Variants in HESX1 observed in about 807,000 individuals in gnomAD.
HESX1 encodes homeobox expressed in ES cells 1.
A neutral mutation model predicts 22.5 loss-of-function variants in HESX1; 11 were observed. That is an observed-to-expected ratio of 0.49 (90% CI 0.31 to 0.81). The LOEUF is 0.81. Among genes scored for constraint, HESX1 ranks in the 30% least tolerant of loss-of-function variants. The pLI, the probability that HESX1 is intolerant of heterozygous loss-of-function variation, is 0.05. For missense variants in HESX1, 201 were observed against 212.6 expected (o/e 0.95, Z 0.34); for synonymous variants, 74 against 76.5 (o/e 0.97, Z 0.17).
At chr3:57,200,132 T>G (rs537613101), upstream of HESX1, 1 of 553,588 alleles carries the variant, frequency 1.8e-6, no homozygotes, top group East Asian at 3.1e-5. Flanking sequence ...GTTTATTTGT[T>G]TGCAAGTAAT....
At chr3:57,209,271 A>AAC (rs1170421220) in intron 1 of HESX1, among the ~76,000 whole-genome samples, 1 of 152,240 alleles carries the variant, frequency 6.6e-6, no homozygotes, top group Admixed American at 6.5e-5. Flanking sequence ...CAAACAGAAT[A>AAC]ACACAGACAG....
intron 1 of HESX1, among the ~76,000 whole-genome samples, chr3:57,217,786 C>T (rs186095580): frequency 2.6e-5 from 4 of 152,270 alleles, no homozygotes; most frequent in Admixed American, 6.5e-5. Flanking sequence ...CCAAACTGCA[C>T]TCTCATGCAG....
chr3:57,207,246 G>A (rs2060525126), intron 1 of HESX1, among the ~76,000 whole-genome samples: 1 of 152,046 alleles, frequency 6.6e-6, no homozygotes, highest in South Asian at 2.1e-4. Flanking sequence ...CACTATACTG[G>A]GCCACAATAT....
rs767091885 is a variant in HESX1 at position 57,199,797 on chromosome 3, G to A, written c.122C>T (p.Pro41Leu). Reference sequence around the variant, plus strand: ...GCAGGTGTCTGCCCAGGGCCTGTGGGGTTTCATTAATGGAACACAGTCTTT... The same window carrying A: ...GCAGGTGTCTGCCCAGGGCCTGTGGAGTTTCATTAATGGAACACAGTCTTT... ...QKKDCVPLMK[P>L]HRPWADTCSS... is the part of the protein sequence containing the mutation. The change falls in exon 1 of 4, where the codon CCC becomes CTC. Residue 41 changes from proline to leucine, a missense_variant. Physicochemically the swap from Pro to Leu is moderately conservative, Grantham distance 98 (BLOSUM62 -3). Transcript: ENST00000295934. 1 of 1,614,056 alleles carries A rather than the reference G, an allele frequency of 6.2e-7. No individual in the cohort carries two copies. The highest frequency in any genetic ancestry group is 1.1e-5 in the South Asian group (1 of 91,074).
chr3:57,221,117 C>G (rs2060613627), intron 1 of HESX1, among the ~76,000 whole-genome samples: 1 of 151,812 alleles, frequency 6.6e-6, no homozygotes, highest in African/African-American at 2.4e-5. Context: ...TCTGAAGAAC[C>G]TGTTTAAAAT....
chr3:57,198,892 C>T lies in HESX1; in HGVS notation c.218G>A (p.Ser73Asn), dbSNP rs373284490. ...PNPPSGISFP[S>N]VVDHPMPEER... ...TTCTGGCATTGGGTGATCCACCACG[C>T]TAGGGAATGAAATCCCACTGGGAGG... is the stretch of plus-strand genomic sequence containing the variant. The change falls in exon 2 of 4, where the codon AGC becomes AAC. Residue 73 changes from serine (S) to asparagine (N), a missense_variant. Coordinates refer to ENST00000295934, the MANE Select transcript of HESX1 (RefSeq NM_003865.3). The T allele has an allele frequency of 1.9e-5, 31 of 1,614,090 alleles. No individual in the cohort carries two copies. In the African/African-American group the frequency reaches 3.9e-4, roughly 20 times the overall value.
chr3:57,199,979 AG>A (rs1364803046), upstream of HESX1: 7 of 1,479,346 alleles, frequency 4.7e-6, no homozygotes, highest in Admixed American at 6.7e-5. Context: ...CCACGTGTAT[AG>A]GGCTGGGATC....
upstream of HESX1, among the ~76,000 whole-genome samples, chr3:57,202,542 G>A (rs989684541): frequency 2.2e-4 from 34 of 152,044 alleles, no homozygotes; most frequent in African/African-American, 8.2e-4. Context: ...TCACCATGTT[G>A]GCCAGGCTGG....
At chr3:57,213,931 A>G (rs888903470) in intron 1 of HESX1, among the ~76,000 whole-genome samples, 55 of 152,310 alleles carry the variant, frequency 3.6e-4, no homozygotes, top group Admixed American at 1.6e-3. Flanking sequence ...AAATAAACAA[A>G]TAAATAAACT....
intron 1 of HESX1, among the ~76,000 whole-genome samples, chr3:57,219,007 T>A (rs1291113564): frequency 6.6e-6 from 1 of 152,190 alleles, no homozygotes; most frequent in Non-Finnish European, 1.5e-5. Flanking sequence ...CTTTCCTCAA[T>A]GACTGAACTA....
upstream of HESX1, among the ~76,000 whole-genome samples, chr3:57,202,360 C>T (rs145468730): frequency 3.4e-4 from 51 of 151,652 alleles, no homozygotes; most frequent in East Asian, 3.3e-3. Flanking sequence ...TTGTTTGAGA[C>T]GGAATCTCAC....
Position 57,198,875 on chromosome 3 carries a change from T to C in HESX1, c.235A>G (p.Met79Val), listed in dbSNP as rs2060465404. 1 of 1,614,142 alleles carries C rather than the reference T, an allele frequency of 6.2e-7. No homozygotes were observed. The highest frequency in any genetic ancestry group is 8.5e-7 in the Non-Finnish European group (1 of 1,180,020). Residue 79 changes from methionine to valine, a missense_variant, in exon 2 of 4, where the codon ATG becomes GTG. By Grantham distance (21) the Met-to-Val change is conservative. Coordinates refer to ENST00000295934, the MANE Select transcript of HESX1 (RefSeq NM_003865.3). ...ISFPSVVDHPMPEERASKYEN... is the reference protein window; with the variant it reads ...ISFPSVVDHPVPEERASKYEN... Reference sequence around the variant, plus strand: ...TATTTCGAAGCTCTTTCTTCTGGCATTGGGTGATCCACCACGCTAGGGAAT... The same window carrying C: ...TATTTCGAAGCTCTTTCTTCTGGCACTGGGTGATCCACCACGCTAGGGAAT...
intron 1 of HESX1, among the ~76,000 whole-genome samples, chr3:57,218,887 T>G (rs1467351032): frequency 1.3e-5 from 2 of 152,240 alleles, no homozygotes; most frequent in African/African-American, 4.8e-5. Flanking sequence ...TTCACATGCA[T>G]GTACCTTTAT....
At chr3:57,202,951 G>A (rs930068361), upstream of HESX1, among the ~76,000 whole-genome samples, 1 of 152,172 alleles carries the variant, frequency 6.6e-6, no homozygotes, top group Non-Finnish European at 1.5e-5. Context: ...CACTTGGAAT[G>A]TTTGAGGAGG....
At chr3:57,208,645 C>T (rs2060533801) in intron 1 of HESX1, among the ~76,000 whole-genome samples, 1 of 148,386 alleles carries the variant, frequency 6.7e-6, no homozygotes, top group South Asian at 2.2e-4. Context: ...CCACGGTGCC[C>T]GGACTTGTTT....
At chr3:57,207,659 TAAC>T (rs1159574633) in intron 1 of HESX1, among the ~76,000 whole-genome samples, 3 of 152,120 alleles carry the variant, frequency 2.0e-5, no homozygotes, top group East Asian at 3.9e-4. Flanking sequence ...ATATGGGAGT[TAAC>T]AACAACAGAT....
chr3:57,203,429 A>C (rs904315366), upstream of HESX1, among the ~76,000 whole-genome samples: 4 of 152,190 alleles, frequency 2.6e-5, no homozygotes, highest in African/African-American at 9.6e-5. Context: ...AATCCCCATA[A>C]TATCTTATAC....
chr3:57,219,160 G>C (rs760188575), intron 1 of HESX1, among the ~76,000 whole-genome samples: 2 of 151,948 alleles, frequency 1.3e-5, no homozygotes, highest in Admixed American at 6.6e-5. Context: ...ATTTAGCTCC[G>C]ATTTGTAAGT....
intron 1 of HESX1, among the ~76,000 whole-genome samples, chr3:57,210,242 A>C (rs1403883505): frequency 6.6e-6 from 1 of 152,230 alleles, no homozygotes. Context: ...TCTATATTTC[A>C]AATATCTATA....
Sources: gnomAD v4.1 joint callset for allele counts (sites outside exome capture counted in the v4.1 genomes callset) on GRCh38, gnomAD v4.1.1 for gene constraint, MANE v1.5 for transcripts, NCBI Gene and HGNC (gene_info 2026-07-23, HGNC 2026-07-21) for gene names.